The following WASF1 variants were observed in gnomAD, a reference collection of about 807,000 sequenced individuals.
The protein encoded by WASF1 is WASP family member 1, also known as actin-binding protein WASF1.
Under a neutral mutation model 50.5 loss-of-function variants are expected in WASF1, and 7 were observed. The ratio of observed to expected loss-of-function variants is 0.14; its 90% CI spans 0.08 to 0.26. The LOEUF (loss-of-function observed/expected upper bound fraction) is 0.26. WASF1 is among the 10% of genes least tolerant of loss of function. WASF1 has a pLI of 1.00. For missense variants in WASF1, 470 were observed against 694.7 expected, an observed-to-expected ratio of 0.68 and a Z score of 3.64; for synonymous variants, 205 against 244.0, an observed-to-expected ratio of 0.84 and a Z score of 1.49.
intron 4 of WASF1, among the ~76,000 whole-genome samples, chr6:110,123,356 T>C (rs1774225801): frequency 6.6e-6 from 1 of 152,126 alleles, no homozygotes; most frequent in African/African-American, 2.4e-5. Flanking sequence ...ATCATAAATC[T>C]AAAATCACTG....
chr6:110,153,106 A>G (rs188375086), intron 3 of WASF1, among the ~76,000 whole-genome samples: 49 of 152,304 alleles, frequency 3.2e-4, no homozygotes, highest in African/African-American at 1.2e-3. Context: ...GATTATTGTA[A>G]ATAAAGTAAC....
chr6:110,173,710 C>G (rs778039393), intron 2 of WASF1, among the ~76,000 whole-genome samples: 1 of 152,180 alleles, frequency 6.6e-6, no homozygotes, highest in Non-Finnish European at 1.5e-5. Context: ...TGCTTCTTTG[C>G]ACTCTTTGTT....
Position 110,105,467 on chromosome 6 carries a change from G to A in WASF1, c.653C>T (p.Ala218Val), listed in dbSNP as rs756527594. ...TTCAATATGCTTATGTAAGAGATTA[G>A]CATCATCTTCAGCCAGCTCTGGACC... Reference protein sequence around the residue: ...AQGPELAEDDANLLHKHIEVA... With the variant: ...AQGPELAEDDVNLLHKHIEVA... Residue 218 changes from alanine to valine, a missense_variant, in exon 8 of 11, where the codon GCT (alanine) becomes GTT (valine). Transcript: ENST00000392589. The A allele has an allele frequency of 2.3e-5, 37 of 1,613,892 alleles. No homozygotes were observed. The Admixed American group carries it at 3.0e-4, about 13-fold the overall frequency.
chr6:110,147,807 C>T (rs1460004249), intron 3 of WASF1, among the ~76,000 whole-genome samples: 2 of 152,150 alleles, frequency 1.3e-5, no homozygotes, highest in South Asian at 2.1e-4. Context: ...AATGCAGTGG[C>T]GTGATCACAA....
chr6:110,151,537 G>A (rs1489334939), intron 3 of WASF1, among the ~76,000 whole-genome samples: 1 of 152,054 alleles, frequency 6.6e-6, no homozygotes, highest in Non-Finnish European at 1.5e-5. Flanking sequence ...TTCCAAGATT[G>A]GTCTAAACAA....
At chr6:110,114,140 C>T (rs1408430277) in intron 4 of WASF1, among the ~76,000 whole-genome samples, 2 of 152,178 alleles carry the variant, frequency 1.3e-5, no homozygotes, top group Non-Finnish European at 2.9e-5. Flanking sequence ...GCTGTTTGAG[C>T]AGTTCTCTCT....
chr6:110,174,926 T>C (rs757497806), intron 2 of WASF1, among the ~76,000 whole-genome samples: 3 of 152,110 alleles, frequency 2.0e-5, no homozygotes, highest in Non-Finnish European at 4.4e-5. Context: ...CCATTTAGCT[T>C]AAACCAAAAA....
intron 1 of WASF1, among the ~76,000 whole-genome samples, chr6:110,179,237 C>G (rs930884443): frequency 6.6e-6 from 1 of 152,038 alleles, no homozygotes; most frequent in African/African-American, 2.4e-5. Context: ...TCCCTCGGCA[C>G]CCAGCCCCGC....
In WASF1 at chr6:110,100,481, CATTTGCATTCAGTTTTGTAATATTT is replaced by C. The variant is rs554653697; in HGVS notation, c.*16_*40del. 2.1e-3 allele frequency: 3,350 copies of C among 1,562,666 alleles called. 6 individuals are homozygous for C. The highest frequency in any genetic ancestry group is 3.2e-3 in the South Asian group (275 of 84,966). On this transcript the variant is annotated 3_prime_UTR_variant, in exon 11 of 11. Transcript: ENST00000392589. Reference sequence around the variant, plus strand: ...TTCAAGGAACAAGCACCACAAAGGACATTTGCATTCAGTTTTGTAATATTTATCAATGCATTTTTCTTACTCCAAC... The same window carrying C: ...TTCAAGGAACAAGCACCACAAAGGACATCAATGCATTTTTCTTACTCCAAC...
At chr6:110,134,885 T>G (rs968787873) in intron 3 of WASF1, among the ~76,000 whole-genome samples, 2 of 149,150 alleles carry the variant, frequency 1.3e-5, no homozygotes, top group South Asian at 2.1e-4. Context: ...ATTTTGGGAG[T>G]TTTTTTTCTA....
intron 3 of WASF1, among the ~76,000 whole-genome samples, chr6:110,152,892 T>C (rs1775887351): frequency 6.6e-6 from 1 of 152,160 alleles, no homozygotes; most frequent in Admixed American, 6.5e-5. Context: ...AATTTTCTCC[T>C]TTGTAATCCC....
chr6:110,102,078 C>A lies in WASF1; in HGVS notation c.1032G>T (p.Met344Ile). 1 of 1,506,736 alleles carries A rather than the reference C, an allele frequency of 6.6e-7. No individual in the cohort carries two copies. Among genetic ancestry groups the A allele is most frequent in the Non-Finnish European group, 8.9e-7 (1 of 1,129,160 alleles). 93.3% of individuals were successfully genotyped at this position (1,506,736 alleles called of 1,614,324 possible). Residue 344 changes from methionine to isoleucine, a missense_variant, in exon 10 of 11, where the codon ATG becomes ATT. Met to Ile is a conservative substitution (Grantham distance 10). Coordinates refer to ENST00000392589, the MANE Select transcript of WASF1 (RefSeq NM_003931.3). Reference sequence around the variant, plus strand: ...GTACTGGAGGGGGAGGAGTTGAAGTCATTGAAGCTCTTAATGAGGAAGTTG... The same window carrying A: ...GTACTGGAGGGGGAGGAGTTGAAGTAATTGAAGCTCTTAATGAGGAAGTTG... Reference protein sequence around the residue: ...ALSTSSLRASMTSTPPPPVPP... With the variant: ...ALSTSSLRASITSTPPPPVPP...
chr6:110,174,312 C>T (rs960194504), intron 2 of WASF1, among the ~76,000 whole-genome samples: 2 of 152,122 alleles, frequency 1.3e-5, no homozygotes, highest in Non-Finnish European at 2.9e-5. Context: ...ATTTGTTCAA[C>T]ACCTGTTTTT....
chr6:110,112,364 A>G (rs1285084406), intron 5 of WASF1, among the ~76,000 whole-genome samples: 1 of 152,150 alleles, frequency 6.6e-6, no homozygotes, highest in Non-Finnish European at 1.5e-5. Context: ...ACAAACAAAA[A>G]GATGCATTTG....
intron 3 of WASF1, among the ~76,000 whole-genome samples, chr6:110,128,145 G>A (rs1163747068): frequency 2.6e-5 from 4 of 151,956 alleles, no homozygotes; most frequent in Non-Finnish European, 5.9e-5. Context: ...TTGCTTGTAT[G>A]AAGACAATAA....
At chr6:110,126,857 C>G (rs901623162) in intron 4 of WASF1, among the ~76,000 whole-genome samples, 1 of 152,210 alleles carries the variant, frequency 6.6e-6, no homozygotes, top group Non-Finnish European at 1.5e-5. Context: ...TAATCTGCCT[C>G]TTTCACTGGC....
intron 2 of WASF1, chr6:110,177,025 C>A (rs1776959175): frequency 2.0e-5 from 3 of 151,978 alleles, no homozygotes. Flanking sequence ...GAAAAGATAT[C>A]TTAAGTTATT....
chr6:110,154,316 A>G (rs921350213), intron 3 of WASF1, among the ~76,000 whole-genome samples: 3 of 152,148 alleles, frequency 2.0e-5, no homozygotes, highest in Non-Finnish European at 4.4e-5. Context: ...ACAATATCAT[A>G]TGGAAACACA....
chr6:110,135,022 T>C (rs1231125860), intron 3 of WASF1, among the ~76,000 whole-genome samples: 3 of 152,198 alleles, frequency 2.0e-5, no homozygotes, highest in Non-Finnish European at 4.4e-5. Context: ...TCCATTTTGT[T>C]TGTGTTTTCT....
Sources: gnomAD v4.1 joint callset for allele counts (sites outside exome capture counted in the v4.1 genomes callset) on GRCh38, gnomAD v4.1.1 for gene constraint, MANE v1.5 for transcripts, NCBI Gene and HGNC (gene_info 2026-07-23, HGNC 2026-07-21) for gene names.